The following ESYT3 variants were observed in gnomAD, a reference collection of about 807,000 sequenced individuals.
ESYT3 encodes extended synaptotagmin-3.
In ESYT3, 101 loss-of-function variants were observed where a neutral mutation model predicts 111.5. The ratio of observed to expected loss-of-function variants is 0.91; its 90% confidence interval spans 0.77 to 1.07. The LOEUF is 1.07. Among genes scored for constraint, ESYT3 ranks in the 50% least tolerant of loss-of-function variants. The pLI, the probability that ESYT3 is intolerant of heterozygous loss-of-function variation, is 0.00. For missense variants in ESYT3, 1,097 were observed against 1,109.4 expected (o/e 0.99, Z 0.16); for synonymous variants, 416 against 446.8 (o/e 0.93, Z 0.87).
rs1309954154 is a variant in ESYT3, at chr3:138,479,398, T to C, written c.*2544T>C. Reference sequence around the variant, plus strand: ...GAAAGTAAGTATTCAAGACCATATCTTATTTAGGAAGCTAAAGATACTCAT... The same window carrying C: ...GAAAGTAAGTATTCAAGACCATATCCTATTTAGGAAGCTAAAGATACTCAT... On this transcript the variant is annotated 3_prime_UTR_variant, in exon 23 of 23. Transcript: ENST00000389567. 2.0e-5 allele frequency: 3 copies of C among 152,244 alleles called. No homozygotes were observed. Among genetic ancestry groups the C allele is most frequent in the Non-Finnish European group, 2.9e-5 (2 of 68,048 alleles). 9.4% of individuals were successfully genotyped at this position (152,244 alleles called of 1,614,324 possible).
intron 1 of ESYT3, among the ~76,000 whole-genome samples, chr3:138,442,304 T>C (rs1346010465): frequency 6.6e-6 from 1 of 152,226 alleles, no homozygotes; most frequent in Non-Finnish European, 1.5e-5. Flanking sequence ...CTTTTTTCTT[T>C]TCTGATTTTT....
rs926188107 is a variant in ESYT3, at chr3:138,477,507, C to T, written c.*653C>T. 6.6e-6 allele frequency: 1 copy of T among 152,228 alleles called. No individual in the cohort carries two copies. Among genetic ancestry groups the T allele is most frequent in the African/African-American group, 2.4e-5 (1 of 41,434 alleles). 9.4% of individuals were successfully genotyped at this position (152,228 alleles called of 1,614,324 possible). On this transcript the variant is annotated 3_prime_UTR_variant, in exon 23 of 23. Coordinates refer to ENST00000389567, the MANE Select transcript of ESYT3 (RefSeq NM_031913.5). ...ATACTTAAATACCTTGAGTTAAATA[C>T]TCTTGTGTAGTCTAAGGGCCAAACT...
At chr3:138,468,285 GC>G in intron 12 of ESYT3, 91 bp downstream of exon 12, 1 of 1,213,316 alleles carries the variant, frequency 8.2e-7, no homozygotes, top group Non-Finnish European at 1.2e-6. Context: ...GGGAGATGAT[GC>G]CCCCTTCTTG....
rs910392782 is a variant in ESYT3, at chr3:138,472,934, T to C, written c.2237+75T>C. On this transcript the variant is annotated intron_variant, in intron 18 of 22. Coordinates refer to ENST00000389567, the MANE Select transcript of ESYT3 (RefSeq NM_031913.5). Reference sequence around the variant, plus strand: ...ACCTCGCTGGATGGAAAAGTAGATATGAACTTACATTTCTGTGCAAGTTGT... The same window carrying C: ...ACCTCGCTGGATGGAAAAGTAGATACGAACTTACATTTCTGTGCAAGTTGT... 1.1e-4 allele frequency: 170 copies of C among 1,532,932 alleles called. 2 individuals carry two copies. In the Admixed American group the frequency reaches 3.1e-3, roughly 28 times the overall value. 95.0% of individuals were successfully genotyped at this position (1,532,932 alleles called of 1,614,324 possible).
chr3:138,438,370 C>G (rs2030882979), intron 1 of ESYT3, among the ~76,000 whole-genome samples: 1 of 152,192 alleles, frequency 6.6e-6, no homozygotes, highest in African/African-American at 2.4e-5. Context: ...GCCCTGTACT[C>G]TAGCCCCCAG....
chr3:138,457,495 G>C (rs1226381773), intron 3 of ESYT3, 73 bp from the exon 4 acceptor site: 1 of 1,363,944 alleles, frequency 7.3e-7, no homozygotes, highest in Non-Finnish European at 1.0e-6. Flanking sequence ...AAAGCCCAGT[G>C]CCGGGGGGAG....
chr3:138,463,462 C>T (rs746513116), intron 8 of ESYT3, among the ~76,000 whole-genome samples: 5 of 152,118 alleles, frequency 3.3e-5, no homozygotes, highest in Non-Finnish European at 5.9e-5. Flanking sequence ...AGAGATCTTC[C>T]ACATTCTTTT....
In ESYT3 at chr3:138,440,486, ACT is replaced by A. The variant is rs1167341000; in HGVS notation, c.327+5365_327+5366del. Among the ~76,000 whole-genome samples, 3 of 152,120 alleles carry A rather than the reference ACT, an allele frequency of 2.0e-5. No individual in the cohort carries two copies. Among genetic ancestry groups the A allele is most frequent in the Non-Finnish European group, 4.4e-5 (3 of 68,024 alleles). ...GTGACAGCTCTGAGCTAGCCTGGGCACTCTCAGATTAGATCACAAAGCCTGAT... is the reference window on the plus strand; with the variant it reads ...GTGACAGCTCTGAGCTAGCCTGGGCACTCAGATTAGATCACAAAGCCTGAT... On this transcript the variant is annotated intron_variant, in intron 1 of 22. Coordinates refer to ENST00000389567, the MANE Select transcript of ESYT3 (RefSeq NM_031913.5). The surrounding 1 kb of genome is among the most constrained non-coding windows in gnomAD (Gnocchi z 4.2).
In ESYT3 at chr3:138,436,662, C is replaced by A. The variant is rs139591331; in HGVS notation, c.327+1537C>A. On this transcript the variant is annotated intron_variant, in intron 1 of 22. Transcript: ENST00000389567. ...GGGCCTGACTCCCACAGACTTTGGTCATCCTGATGGTTCTGTGGGGCTTGT... is the reference window on the plus strand; with the variant it reads ...GGGCCTGACTCCCACAGACTTTGGTAATCCTGATGGTTCTGTGGGGCTTGT... Among the ~76,000 whole-genome samples, 38 of 152,288 alleles carry A rather than the reference C, an allele frequency of 2.5e-4. No homozygotes were observed. In the East Asian group the frequency reaches 6.4e-3, roughly 26 times the overall value.
At position 138,459,269 on chromosome 3, in the gene ESYT3, TG is replaced by T; in HGVS notation, c.648+20del. The T allele has an allele frequency of 6.5e-7, 1 of 1,537,520 alleles. No individual in the cohort carries two copies. The highest frequency in any genetic ancestry group is 8.8e-7 in the Non-Finnish European group (1 of 1,133,506). ...CGGGATCCAGGTGGGTGGAGCCCGG[TG>T]GGGCTGCCTCTGTTCCAGCCCCCAG... On this transcript the variant is annotated intron_variant, in intron 5 of 22. Transcript: ENST00000389567.
intron 2 of ESYT3, among the ~76,000 whole-genome samples, chr3:138,454,125 G>A (rs2032120759): frequency 6.6e-6 from 1 of 152,222 alleles, no homozygotes; most frequent in Non-Finnish European, 1.5e-5. Flanking sequence ...GTGCACGCAT[G>A]TAGTCCCAGC....
At chr3:138,462,258 A>G (rs776082321) in intron 8 of ESYT3, 52 bp downstream of exon 8, 3 of 1,612,516 alleles carry the variant, frequency 1.9e-6, no homozygotes, top group Non-Finnish European at 1.7e-6. Flanking sequence ...CAGCGCAAAT[A>G]TCCTCTCAGC....
rs1366326953 is a variant in ESYT3, at chr3:138,472,347, T to C, written c.1741-16T>C. ...TGGTGACTCAGCTCATAAGCCACCC[T>C]CTTATCTGCTTGCAGTTCCTGCAAG... On this transcript the variant is annotated splice_polypyrimidine_tract_variant and intron_variant, in intron 17 of 22. Transcript: ENST00000389567. 1 of 1,611,356 alleles carries C rather than the reference T, an allele frequency of 6.2e-7. No individual in the cohort carries two copies. The highest frequency in any genetic ancestry group is 1.7e-5 in the Admixed American group (1 of 59,562).
intron 1 of ESYT3, among the ~76,000 whole-genome samples, chr3:138,451,356 C>T (rs903617123): frequency 6.1e-4 from 93 of 152,300 alleles, no homozygotes; most frequent in African/African-American, 2.1e-3. Flanking sequence ...CCCACAGCAC[C>T]CCACTCCTTA....
chr3:138,461,006 G>T (rs1304521108), intron 7 of ESYT3, among the ~76,000 whole-genome samples: 3 of 152,180 alleles, frequency 2.0e-5, no homozygotes, highest in Non-Finnish European at 4.4e-5. Context: ...TGGTCTGAGG[G>T]GAGGCTGTGT....
At chr3:138,462,444 CTGTT>C in intron 8 of ESYT3, 1 of 574,442 alleles carries the variant, frequency 1.7e-6, no homozygotes, top group South Asian at 2.5e-5. Flanking sequence ...AATATTTCCT[CTGTT>C]TGTGACAACT....
chr3:138,434,871 C>A lies in ESYT3; in HGVS notation c.73C>A (p.Leu25Met), dbSNP rs1303085060. The change falls in exon 1 of 23, where the codon CTG (leucine) becomes ATG (methionine). Residue 25 changes from leucine to methionine, a missense_variant. Physicochemically the swap from Leu to Met is conservative, Grantham distance 15. Transcript: ENST00000389567. ...AGCCCAGCGCACGCCGGGCCCCGAG[C>A]TGCGCCTGTCCAGCCAGCTGCTGCC... Reference protein sequence around the residue: ...LGAQRTPGPELRLSSQLLPEL... With the variant: ...LGAQRTPGPEMRLSSQLLPEL... 1.9e-6 allele frequency: 3 copies of A among 1,550,040 alleles called. No homozygotes were observed. The highest frequency in any genetic ancestry group is 4.9e-5 in the East Asian group (2 of 40,948).
In ESYT3 at chr3:138,472,601, A is replaced by G. The variant is rs756375224; in HGVS notation, c.1979A>G (p.Gln660Arg). Reference protein sequence around the residue: ...ATTVATEPTSQETGPEPKGKD... With the variant: ...ATTVATEPTSRETGPEPKGKD... Reference sequence around the variant, plus strand: ...ACCGTTGCCACTGAGCCCACATCCCAAGAGACAGGCCCAGAGCCTAAAGGC... The same window carrying G: ...ACCGTTGCCACTGAGCCCACATCCCGAGAGACAGGCCCAGAGCCTAAAGGC... Residue 660 changes from glutamine (Q) to arginine (R), a missense_variant, in exon 18 of 23, where the codon CAA becomes CGA. Coordinates refer to ENST00000389567, the MANE Select transcript of ESYT3 (RefSeq NM_031913.5). The G allele has an allele frequency of 3.7e-6, 6 of 1,613,942 alleles. No homozygotes were observed. In the Admixed American group the frequency reaches 8.3e-5, roughly 22 times the overall value.
chr3:138,471,137 A>T, intron 17 of ESYT3, 111 bp downstream of exon 17: 1 of 836,052 alleles, frequency 1.2e-6, no homozygotes, highest in Non-Finnish European at 1.9e-6. Context: ...AAGCCAGGAG[A>T]TGGATTCATG....
Sources: allele counts gnomAD v4.1 joint callset (sites outside exome capture counted in the v4.1 genomes callset), GRCh38; gene constraint gnomAD v4.1.1; non-coding constraint Gnocchi (gnomAD v3.1); transcripts MANE v1.5; gene names NCBI Gene and HGNC (gene_info 2026-07-23, HGNC 2026-07-21).